ACSM1: variants seen among roughly 807,000 people sequenced by gnomAD.
ACSM1 encodes the protein acyl-coenzyme A synthetase ACSM1, mitochondrial.
ACSM1 carries 79 observed loss-of-function variants against 75.8 expected under a neutral mutation model. The ratio of observed to expected loss-of-function variants is 1.04; its 90% confidence interval spans 0.87 to 1.26. The LOEUF (loss-of-function observed/expected upper bound fraction) is 1.26. Among genes scored for constraint, ACSM1 ranks in the 50% most tolerant of loss-of-function variants. The pLI, the probability that ACSM1 is intolerant of heterozygous loss-of-function variation, is 0.00. For synonymous variants in ACSM1, 279 were observed against 265.8 expected (o/e 1.05, Z -0.48); for missense variants, 676 against 720.1 (o/e 0.94, Z 0.70).
intron 4 of ACSM1, among the ~76,000 whole-genome samples, chr16:20,672,522 C>A (rs1187845194): frequency 4.6e-4 from 48 of 105,152 alleles, no homozygotes; most frequent in East Asian, 6.6e-4. Flanking sequence ...TATTATATAT[C>A]ATATATTAAA....
chr16:20,625,940 T>G (rs1179117880), intron 11 of ACSM1, among the ~76,000 whole-genome samples: 2 of 152,246 alleles, frequency 1.3e-5, no homozygotes. Flanking sequence ...GATGTTTTGA[T>G]GTACATATAC....
chr16:20,677,095 G>A (rs2152290998), intron 4 of ACSM1, among the ~76,000 whole-genome samples: 1 of 152,088 alleles, frequency 6.6e-6, no homozygotes, highest in South Asian at 2.1e-4. Context: ...TCAAATAAGA[G>A]AGTTCCTAAG....
At chr16:20,665,647 G>A (rs180149) in intron 6 of ACSM1, among the ~76,000 whole-genome samples, 50,957 of 151,880 alleles carry the variant, frequency 0.34, 9,382 homozygotes, top group East Asian at 0.64. Flanking sequence ...AAGCCAGAAT[G>A]CTTTTGGCAC....
chr16:20,690,127 G>A (rs1437893322), intron 2 of ACSM1, among the ~76,000 whole-genome samples: 1 of 152,206 alleles, frequency 6.6e-6, no homozygotes, highest in Admixed American at 6.5e-5. Context: ...GGAGGAAGAT[G>A]CCATAAAGGC....
rs2019316414 is a variant in ACSM1 at position 20,661,832 on chromosome 16, T to G, written c.954A>C (p.Ser318=). The part of the protein sequence containing the change: ...KYPINHFWGV[S]SIYRMILQQD... ...GCTGCAGAATCATTCGATATATAGA[T>G]GATACCCCCCAAAAGTGGTTAATGG... Residue 318 remains serine, a synonymous_variant, in exon 7 of 14, where the codon TCA becomes TCC. Coordinates refer to ENST00000520010, the MANE Select transcript of ACSM1 (RefSeq NM_001318890.3). 1.2e-6 allele frequency: 2 copies of G among 1,610,878 alleles called. No homozygotes were observed. The highest frequency in any genetic ancestry group is 2.7e-5 in the African/African-American group (2 of 74,830).
intron 1 of ACSM1, among the ~76,000 whole-genome samples, chr16:20,692,930 G>C (rs1567316637): frequency 6.6e-6 from 1 of 152,084 alleles, no homozygotes; most frequent in Non-Finnish European, 1.5e-5. Context: ...CAGCCCTTTG[G>C]GAGGCTGAGG....
intron 2 of ACSM1, among the ~76,000 whole-genome samples, chr16:20,690,132 A>G (rs1481718122): frequency 3.3e-5 from 5 of 152,226 alleles, no homozygotes; most frequent in Admixed American, 3.3e-4. Flanking sequence ...AAGATGCCAT[A>G]AAGGCATGTA....
At chr16:20,654,149 T>C (rs2018809896) in intron 7 of ACSM1, among the ~76,000 whole-genome samples, 1 of 152,126 alleles carries the variant, frequency 6.6e-6, no homozygotes, top group Admixed American at 6.5e-5. Flanking sequence ...AAACAAGAAA[T>C]GGGGAAAGGA....
chr16:20,647,003 A>G (rs1056870203), intron 7 of ACSM1, among the ~76,000 whole-genome samples: 4 of 152,262 alleles, frequency 2.6e-5, no homozygotes, highest in African/African-American at 9.6e-5. Context: ...ATCTATCATG[A>G]GCCACAGCAT....
At chr16:20,643,412 CT>C (rs2152222644) in intron 7 of ACSM1, among the ~76,000 whole-genome samples, 2 of 152,278 alleles carry the variant, frequency 1.3e-5, no homozygotes, top group South Asian at 4.1e-4. Context: ...GGTTCTTGGT[CT>C]CGCTGACTTC....
Position 20,663,629 on chromosome 16 carries a change from TTGAC to T in ACSM1, c.913-1760_913-1757del, listed in dbSNP as rs1426417450. On this transcript the variant is annotated intron_variant, in intron 6 of 13. Transcript: ENST00000520010. The stretch of plus-strand genomic sequence containing the variant: ...CCCTGAAATGCTGTGATTGCTATGT[TTGAC>T]TATGTGCATGTGAAGTAGCAAAAGT... 1.1e-4 allele frequency among the ~76,000 whole-genome samples: 16 copies of T among 152,286 alleles called. 1 individual carries two copies. The South Asian group carries it at 3.3e-3, about 32-fold the overall frequency.
chr16:20,695,888 T>A (rs1032086103), intron 1 of ACSM1, among the ~76,000 whole-genome samples: 2 of 152,230 alleles, frequency 1.3e-5, no homozygotes, highest in Non-Finnish European at 2.9e-5. Context: ...TATACATTAA[T>A]ATTAATGTCT....
intron 7 of ACSM1, among the ~76,000 whole-genome samples, chr16:20,653,699 G>A (rs965417920): frequency 6.6e-6 from 1 of 152,156 alleles, no homozygotes; most frequent in African/African-American, 2.4e-5. Context: ...ACTTACAAGG[G>A]ATGTGAAGGA....
In ACSM1 at chr16:20,636,810, G is replaced by A. The variant is rs140641932; in HGVS notation, c.1228C>T (p.Pro410Ser). ...ATGCCAATGTTTCCTTCTGTGTTAGGTGGCAGGATGCTGCCCTTGTCATCA... is the reference window on the plus strand; with the variant it reads ...ATGCCAATGTTTCCTTCTGTGTTAGATGGCAGGATGCTGCCCTTGTCATCA... ...VIDDKGSILP[P>S]NTEGNIGIRI... The change falls in exon 10 of 14, where the codon CCT (proline) becomes TCT (serine). Residue 410 changes from proline (P) to serine (S), a missense_variant. Transcript: ENST00000520010. 5 of 1,613,878 alleles carry A rather than the reference G, an allele frequency of 3.1e-6. No homozygotes were observed. The highest frequency in any genetic ancestry group is 1.7e-5 in the Admixed American group (1 of 59,996).
chr16:20,681,263 T>C (rs1360721527), intron 4 of ACSM1: 1 of 152,242 alleles, frequency 6.6e-6, no homozygotes, highest in Non-Finnish European at 1.5e-5. Flanking sequence ...TTGAAATAGA[T>C]TGGCATTAGA....
At chr16:20,655,041 A>G (rs986147536) in intron 7 of ACSM1, among the ~76,000 whole-genome samples, 1 of 152,148 alleles carries the variant, frequency 6.6e-6, no homozygotes, top group African/African-American at 2.4e-5. Flanking sequence ...AATGTGGCAC[A>G]TATACACCAT....
intron 7 of ACSM1, among the ~76,000 whole-genome samples, chr16:20,644,289 AC>A (rs2018238439): frequency 6.6e-6 from 1 of 152,226 alleles, no homozygotes; most frequent in Non-Finnish European, 1.5e-5. Context: ...TTGTGAGCAC[AC>A]CTCACCAGTT....
intron 7 of ACSM1, among the ~76,000 whole-genome samples, chr16:20,647,719 A>G (rs1184121509): frequency 1.3e-5 from 2 of 152,166 alleles, no homozygotes; most frequent in Non-Finnish European, 2.9e-5. Context: ...CTCTTTTACA[A>G]AAAAGAGAAA....
intron 10 of ACSM1, among the ~76,000 whole-genome samples, chr16:20,628,743 C>T (rs2017150990): frequency 6.6e-6 from 1 of 152,048 alleles, no homozygotes; most frequent in Non-Finnish European, 1.5e-5. Flanking sequence ...CTGCTATGTA[C>T]ATTTGCATAC....
Sources: gnomAD v4.1 joint callset for allele counts (sites outside exome capture counted in the v4.1 genomes callset) on GRCh38, gnomAD v4.1.1 for gene constraint, MANE v1.5 for transcripts, NCBI Gene and HGNC (gene_info 2026-07-23, HGNC 2026-07-21) for gene names.